Variants in DDOST observed in about 807,000 individuals in gnomAD.
DDOST encodes the protein dolichyl-diphosphooligosaccharide--protein glycosyltransferase 48 kDa subunit.
A neutral mutation model predicts 47.6 loss-of-function variants in DDOST; 25 were observed. The observed-to-expected ratio is 0.53, with a 90% CI of 0.38 to 0.73. The LOEUF is 0.73. Among genes scored for constraint, DDOST ranks in the 30% least tolerant of loss-of-function variants. DDOST has a pLI of 0.00. For missense variants in DDOST, 526 were observed against 573.9 expected (o/e 0.92, Z 0.85); for synonymous variants, 275 against 236.0 (o/e 1.17, Z -1.51).
In DDOST at chr1:20,654,360, C is replaced by A. The variant is rs761610774; in HGVS notation, c.657G>T (p.Ala219=). The A allele has an allele frequency of 1.3e-5, 20 of 1,559,780 alleles. No homozygotes were observed. In the Middle Eastern group the frequency reaches 1.5e-3, roughly 117 times the overall value. ...CAATGAGGAGGGTGTTCTTCCCCACCGCATGTGGATACTGGGAACAAAACG... is the reference window on the plus strand; with the variant it reads ...CAATGAGGAGGGTGTTCTTCCCCACAGCATGTGGATACTGGGAACAAAACG... ...PDKPITQYPH[A]VGKNTLLIAG... is the part of the protein sequence containing the mutation. Residue 219 remains alanine, a synonymous_variant, in exon 7 of 11, where the codon GCG becomes GCT. Transcript: ENST00000602624.
At chr1:20,656,263 T>C (rs2053372671) in intron 2 of DDOST, 76 bp from the exon 3 acceptor site, 3 of 1,203,266 alleles carry the variant, frequency 2.5e-6, no homozygotes, top group Non-Finnish European at 3.7e-6. Context: ...GGAGGGGACA[T>C]GAAGGGCAGA....
Position 20,653,674 on chromosome 1 carries a change from C to T in DDOST, c.895G>A (p.Val299Met), listed in dbSNP as rs200857992. The T allele has an allele frequency of 2.2e-5, 35 of 1,613,710 alleles. No individual in the cohort carries two copies. The highest frequency in any genetic ancestry group is 2.7e-5 in the Non-Finnish European group (32 of 1,179,718). Residue 299 changes from valine (V) to methionine (M), a missense_variant, in exon 8 of 11, where the codon GTG becomes ATG. Val to Met is a conservative substitution (Grantham distance 21, BLOSUM62 1). Transcript: ENST00000602624. ...GCATTGGGTGGGGCTGTCTCGCCCA[C>T]CCGATGATGGGACACAGGCCCCACA... ...LRVGPVSHHRVGETAPPNAYT... is the reference protein window; with the variant it reads ...LRVGPVSHHRMGETAPPNAYT...
At chr1:20,658,896 C>T (rs1300075307) in intron 2 of DDOST, among the ~76,000 whole-genome samples, 1 of 144,784 alleles carries the variant, frequency 6.9e-6, no homozygotes. Flanking sequence ...TGCTCTGTCG[C>T]TTAGGCTGGA....
Position 20,652,200 on chromosome 1 carries a change from A to ACTT in DDOST, c.*176_*178dup, listed in dbSNP as rs1353787773. On this transcript the variant is annotated 3_prime_UTR_variant, in exon 11 of 11. Transcript: ENST00000602624. ...ACTTTTAGCAATTCAAAGTGGAAAA[A>ACTT]CTTCTTTTATATAAAAATTATCCCA... 14 of 577,232 alleles carry ACTT rather than the reference A, an allele frequency of 2.4e-5. No homozygotes were observed. Among genetic ancestry groups the ACTT allele is most frequent in the South Asian group, 6.5e-5 (2 of 30,596 alleles). 35.8% of individuals were successfully genotyped at this position (577,232 alleles called of 1,614,324 possible). A position where few individuals can be genotyped will look rare whatever the true frequency, so the allele number is the denominator to read the frequency against.
chr1:20,655,093 C>T (rs1296675399), intron 5 of DDOST, among the ~76,000 whole-genome samples: 1 of 151,522 alleles, frequency 6.6e-6, no homozygotes, highest in African/African-American at 2.4e-5. Context: ...CGCCTGACCT[C>T]GGGTGATCTG....
chr1:20,660,947 G>A lies in DDOST; in HGVS notation c.199C>T (p.Leu67=). The stretch of plus-strand genomic sequence containing the variant: ...AATTCCCCATACTTTATGAGAGACA[G>A]GCTGGGGTCATCAGCGGTCTTGAAT... ...LTFKTADDPS[L]SLIKYGEFLY... is the part of the protein sequence containing the mutation. The change falls in exon 2 of 11, where the codon CTG becomes TTG. Residue 67 remains leucine, a synonymous_variant. Transcript: ENST00000602624. 1.9e-6 allele frequency: 3 copies of A among 1,613,976 alleles called. No homozygotes were observed. The highest frequency in any genetic ancestry group is 2.5e-6 in the Non-Finnish European group (3 of 1,179,874).
At position 20,652,648 on chromosome 1, in the gene DDOST, G is replaced by A; in HGVS notation, c.1143C>T (p.Gly381=). ...GAGTGGAAGAGTACAGGTGTGTGTA[G>A]CCTAGCCGGTTGTAATCCACTTTAA... The part of the protein sequence containing the change: ...FQFKVDYNRL[G]YTHLYSSTQV... The change falls in exon 10 of 11, where the codon GGC becomes GGT. Residue 381 remains glycine, a synonymous_variant. Coordinates refer to ENST00000602624, the MANE Select transcript of DDOST (RefSeq NM_005216.5). 1 of 1,614,216 alleles carries A rather than the reference G, an allele frequency of 6.2e-7. No homozygotes were observed. Among genetic ancestry groups the A allele is most frequent in the South Asian group, 1.1e-5 (1 of 91,084 alleles).
In DDOST at chr1:20,652,942, T is replaced by C; in HGVS notation, c.972A>G (p.Ser324=). ...CATCAAAGGGGACCCATTTGCCATT[T>C]GAGAGCTGCTGGATCACGATGCTAT... ...VEYSIVIQQL[S]NGKWVPFDGD... Residue 324 remains serine (S), a synonymous_variant, in exon 9 of 11, where the codon TCA becomes TCG. Coordinates refer to ENST00000602624, the MANE Select transcript of DDOST (RefSeq NM_005216.5). 1.9e-6 allele frequency: 3 copies of C among 1,614,220 alleles called. No individual in the cohort carries two copies. Among genetic ancestry groups the C allele is most frequent in the Non-Finnish European group, 2.5e-6 (3 of 1,180,032 alleles).
chr1:20,652,572 C>G lies in DDOST; in HGVS notation c.1171-44G>C, dbSNP rs780832225. The stretch of plus-strand genomic sequence containing the variant: ...GGCAGGACCTGGCCACTGCAGAGCC[C>G]AGGCAGGGCACATGCTAGCTGAAAA... On this transcript the variant is annotated intron_variant, in intron 10 of 10. Coordinates refer to ENST00000602624, the MANE Select transcript of DDOST (RefSeq NM_005216.5). 5 of 1,614,004 alleles carry G rather than the reference C, an allele frequency of 3.1e-6. No individual in the cohort carries two copies. In the East Asian group the frequency reaches 8.9e-5, roughly 29 times the overall value.
intron 8 of DDOST, 119 bp downstream of exon 8, chr1:20,653,508 C>T: frequency 2.8e-6 from 3 of 1,082,960 alleles, no homozygotes; most frequent in South Asian, 1.7e-5. Flanking sequence ...TAGGGATTAA[C>T]TTATTCATCT....
Position 20,661,316 on chromosome 1 carries a change from A to T in DDOST, c.35T>A (p.Leu12His), listed in dbSNP as rs979451252. ...AAGCAAGGGCAGCAGCAACCAAAAG[A>T]GGGCCCAAGCCCGGGCCGCGGTGCT... is the stretch of plus-strand genomic sequence containing the variant. ...EPSTAARAWA[L>H]FWLLLPLLGA... The change falls in exon 1 of 11, where the codon CTC becomes CAC. Residue 12 changes from leucine to histidine, a missense_variant. By Grantham distance (99) the Leu-to-His change is moderately conservative. Coordinates refer to ENST00000602624, the MANE Select transcript of DDOST (RefSeq NM_005216.5). 2.5e-6 allele frequency: 4 copies of T among 1,613,650 alleles called. No individual in the cohort carries two copies. The African/African-American group carries it at 5.3e-5, about 22-fold the overall frequency.
intron 9 of DDOST, 28 bp downstream of exon 9, chr1:20,652,823 A>G: frequency 1.2e-6 from 2 of 1,613,936 alleles, no homozygotes; most frequent in Middle Eastern, 1.6e-4. Flanking sequence ...CGTTTCTGGC[A>G]GCATCCTCGT....
chr1:20,654,155 C>G, intron 7 of DDOST, 68 bp downstream of exon 7: 1 of 1,517,368 alleles, frequency 6.6e-7, no homozygotes, highest in Non-Finnish European at 8.9e-7. Context: ...TCTTCCCCTT[C>G]TGAGTCCTCC....
rs574818877 is a variant in DDOST, at chr1:20,655,168, TTTG to T, written c.551+269_551+271del. 0.13 allele frequency among the ~76,000 whole-genome samples: 4,017 copies of T among 29,860 alleles called. 128 individuals are homozygous for T. Among genetic ancestry groups the T allele is most frequent in the African/African-American group, 0.3 (2,886 of 9,498 alleles). The allele number at this position is 29,860 out of a possible 152,430, so 19.6% of individuals were successfully genotyped here. ...AGCCACTGCGCTCGGCCAACTTTTT[TTTG>T]TTTTTTTTTTTTTTTTTTTTTTTTA... On this transcript the variant is annotated intron_variant, in intron 5 of 10. Coordinates refer to ENST00000602624, the MANE Select transcript of DDOST (RefSeq NM_005216.5).
At chr1:20,657,494 G>C (rs589709) in intron 2 of DDOST, among the ~76,000 whole-genome samples, 1 of 151,882 alleles carries the variant, frequency 6.6e-6, no homozygotes, top group African/African-American at 2.4e-5. Context: ...AGGGAGGCGC[G>C]GCAGGCCTCC....
At chr1:20,656,019 C>A in intron 3 of DDOST, 82 bp downstream of exon 3, 1 of 1,240,282 alleles carries the variant, frequency 8.1e-7, no homozygotes, top group Non-Finnish European at 1.2e-6. Flanking sequence ...CCAGTGAATG[C>A]TAATTTGGCA....
intron 3 of DDOST, 105 bp from the exon 4 acceptor site, chr1:20,655,884 C>A: frequency 1.0e-6 from 1 of 961,370 alleles, no homozygotes; most frequent in Non-Finnish European, 1.7e-6. Flanking sequence ...CAGTGCCCTG[C>A]AGCTTCATCC....
At position 20,652,977 on chromosome 1, in the gene DDOST, A is replaced by G. The variant is rs1303232205; in HGVS notation, c.943-6T>C. 1 of 1,614,038 alleles carries G rather than the reference A, an allele frequency of 6.2e-7. No homozygotes were observed. Among genetic ancestry groups the G allele is most frequent in the East Asian group, 2.2e-5 (1 of 44,890 alleles). Reference sequence around the variant, plus strand: ...TGGATCACGATGCTATACTCCTGAGATAAAAGGCCAGGTTAGCCAGGGCTG... The same window carrying G: ...TGGATCACGATGCTATACTCCTGAGGTAAAAGGCCAGGTTAGCCAGGGCTG... On this transcript the variant is annotated splice_region_variant and splice_polypyrimidine_tract_variant and intron_variant, in intron 8 of 10. Transcript: ENST00000602624.
At chr1:20,655,161 A>G (rs941937002) in intron 5 of DDOST, among the ~76,000 whole-genome samples, 2 of 69,086 alleles carry the variant, frequency 2.9e-5, no homozygotes, top group African/African-American at 1.3e-4. Context: ...CGCTCGGCCA[A>G]CTTTTTTTTG....
Sources: allele counts gnomAD v4.1 joint callset (sites outside exome capture counted in the v4.1 genomes callset), GRCh38; gene constraint gnomAD v4.1.1; transcripts MANE v1.5; gene names NCBI Gene and HGNC (gene_info 2026-07-23, HGNC 2026-07-21).